The following PTK2 variants were observed in gnomAD, a reference collection of about 807,000 sequenced individuals.
PTK2 encodes protein tyrosine kinase 2.
In PTK2, 45 loss-of-function variants were observed where a neutral mutation model predicts 150.1. That is an observed-to-expected ratio of 0.30 (90% CI 0.24 to 0.38). The LOEUF is 0.38. Among genes scored for constraint, PTK2 ranks in the 10% least tolerant of loss-of-function variants. The probability of loss-of-function intolerance (pLI) is 1.00; values close to 1 mark genes in which losing one functional copy is unlikely to be tolerated. For synonymous variants in PTK2, 432 were observed against 449.2 expected (o/e 0.96, Z 0.48); for missense variants, 919 against 1,307.3 (o/e 0.70, Z 4.58).
intron 12 of PTK2, among the ~76,000 whole-genome samples, chr8:140,800,238 G>GT (rs1042237568): frequency 3.9e-5 from 6 of 151,980 alleles, no homozygotes; most frequent in Non-Finnish European, 5.9e-5. Context: ...CACAGACAAT[G>GT]TTTTTTTTAG....
At chr8:140,823,683 C>T (rs550890094) in intron 8 of PTK2, among the ~76,000 whole-genome samples, 71 of 152,242 alleles carry the variant, frequency 4.7e-4, no homozygotes, top group African/African-American at 1.6e-3. Context: ...TCCCTTTGAC[C>T]CCCATAGTCT....
chr8:140,683,165 G>C (rs2100018001), intron 27 of PTK2, among the ~76,000 whole-genome samples: 1 of 152,026 alleles, frequency 6.6e-6, no homozygotes, highest in Admixed American at 6.6e-5. Context: ...CGACAAAGGG[G>C]ACATTACCAC....
At chr8:140,715,656 A>G (rs937576713) in intron 23 of PTK2, among the ~76,000 whole-genome samples, 1 of 152,214 alleles carries the variant, frequency 6.6e-6, no homozygotes, top group Non-Finnish European at 1.5e-5. Flanking sequence ...GTGTTTCAAT[A>G]AAACTAACAA....
intron 14 of PTK2, among the ~76,000 whole-genome samples, chr8:140,782,256 G>C (rs1361466314): frequency 6.8e-6 from 1 of 147,012 alleles, no homozygotes; most frequent in African/African-American, 2.6e-5. Context: ...TTTTTTTTTG[G>C]GGGGGGGGAC....
At chr8:140,995,349 C>T (rs545562581) in intron 1 of PTK2, among the ~76,000 whole-genome samples, 69 of 145,704 alleles carry the variant, frequency 4.7e-4, no homozygotes, top group African/African-American at 1.8e-3. Flanking sequence ...CACCACTGCA[C>T]TCCAGCCTGG....
intron 1 of PTK2, among the ~76,000 whole-genome samples, chr8:140,975,520 A>G (rs1270075469): frequency 1.3e-5 from 2 of 152,180 alleles, no homozygotes; most frequent in Non-Finnish European, 2.9e-5. Flanking sequence ...CTTTACAAAG[A>G]GGTCACCACA....
chr8:140,994,785 T>C (rs1329051052), intron 1 of PTK2, among the ~76,000 whole-genome samples: 2 of 152,196 alleles, frequency 1.3e-5, no homozygotes, highest in Non-Finnish European at 2.9e-5. Context: ...CCCTCTCCTG[T>C]GGCCTGCTAT....
intron 17 of PTK2, among the ~76,000 whole-genome samples, chr8:140,748,200 TA>T (rs923737564): frequency 2.8e-4 from 42 of 152,166 alleles, no homozygotes; most frequent in Admixed American, 3.9e-4. Flanking sequence ...CAGGGCCCTA[TA>T]AAAGACTTTC....
chr8:140,867,344 G>A (rs531657360), intron 4 of PTK2, among the ~76,000 whole-genome samples: 2 of 152,288 alleles, frequency 1.3e-5, no homozygotes, highest in East Asian at 3.9e-4. Flanking sequence ...AGATTGGCAA[G>A]AGAATTTTAG....
chr8:140,802,812 A>G (rs1459343707), intron 11 of PTK2, among the ~76,000 whole-genome samples: 1 of 152,176 alleles, frequency 6.6e-6, no homozygotes, highest in Non-Finnish European at 1.5e-5. Flanking sequence ...AGCTTAGGGC[A>G]ACAGGCTATA....
chr8:140,825,258 A>G (rs1304612179), intron 8 of PTK2, among the ~76,000 whole-genome samples: 1 of 152,182 alleles, frequency 6.6e-6, no homozygotes, highest in Non-Finnish European at 1.5e-5. Flanking sequence ...CCCACCCAGC[A>G]TCCCCAACTC....
intron 2 of PTK2, 51 bp from the exon 3 acceptor site, chr8:140,890,820 AT>A (rs1234585608): frequency 6.9e-7 from 1 of 1,452,040 alleles, no homozygotes; most frequent in African/African-American, 1.4e-5. Context: ...AAATCTACCA[AT>A]TACAATGTGA....
intron 17 of PTK2, among the ~76,000 whole-genome samples, chr8:140,750,904 G>C (rs2100062244): frequency 6.6e-6 from 1 of 152,068 alleles, no homozygotes. Context: ...GCAAAAACCT[G>C]TCTCTCCACA....
chr8:140,696,981 A>G (rs867749988), intron 26 of PTK2, among the ~76,000 whole-genome samples: 1 of 151,986 alleles, frequency 6.6e-6, no homozygotes, highest in Middle Eastern at 3.4e-3. Flanking sequence ...CAAAAATACA[A>G]AAATTAGCTG....
At chr8:140,712,960 G>A (rs1027452735) in intron 23 of PTK2, among the ~76,000 whole-genome samples, 7 of 152,144 alleles carry the variant, frequency 4.6e-5, no homozygotes, top group African/African-American at 7.2e-5. Flanking sequence ...GTTCTTTCAA[G>A]TAAAGCTGGT....
intron 25 of PTK2, among the ~76,000 whole-genome samples, chr8:140,701,670 C>T (rs759237062): frequency 2.2e-4 from 33 of 152,282 alleles, no homozygotes; most frequent in Admixed American, 2.6e-4. Context: ...CCTGTTTCTT[C>T]GTTGGCCTCA....
chr8:140,802,932 T>A (rs1406715420), intron 11 of PTK2, among the ~76,000 whole-genome samples: 1 of 151,526 alleles, frequency 6.6e-6, no homozygotes, highest in African/African-American at 2.4e-5. Context: ...TCTCTGAACG[T>A]ACCTGTTGTT....
chr8:140,955,510 G>A (rs1402089990), intron 1 of PTK2, among the ~76,000 whole-genome samples: 1 of 152,062 alleles, frequency 6.6e-6, no homozygotes, highest in Non-Finnish European at 1.5e-5. Context: ...TTAGCAGTGT[G>A]AGAACAAACT....
At chr8:140,747,641 A>AG (rs1489402192) in intron 17 of PTK2, among the ~76,000 whole-genome samples, 165 of 74,672 alleles carry the variant, frequency 2.2e-3, no homozygotes, top group African/African-American at 8.4e-3. Flanking sequence ...GGGGAGAGGA[A>AG]GGGGGAGGAG....
Sources: allele counts gnomAD v4.1 joint callset (sites outside exome capture counted in the v4.1 genomes callset), GRCh38; gene constraint gnomAD v4.1.1; transcripts MANE v1.5; gene names NCBI Gene and HGNC (gene_info 2026-07-23, HGNC 2026-07-21).